SEPSECS: variants seen among roughly 807,000 people sequenced by gnomAD.
The protein encoded by SEPSECS is Sep (O-phosphoserine) tRNA:Sec (selenocysteine) tRNA synthase.
In SEPSECS, 42 loss-of-function variants were observed where a neutral mutation model predicts 52.1. The ratio of observed to expected loss-of-function variants is 0.81; its 90% confidence interval spans 0.63 to 1.04. The LOEUF is 1.04. Among genes scored for constraint, SEPSECS ranks in the 50% least tolerant of loss-of-function variants. The pLI, the probability that SEPSECS is intolerant of heterozygous loss-of-function variation, is 0.00. For missense variants in SEPSECS, 590 were observed against 610.6 expected, an observed-to-expected ratio of 0.97 and a Z score of 0.36; for synonymous variants, 216 against 211.4, an observed-to-expected ratio of 1.02 and a Z score of -0.19.
intron 8 of SEPSECS, among the ~76,000 whole-genome samples, chr4:25,139,850 G>C (rs1278429883): frequency 1.3e-5 from 2 of 152,108 alleles, no homozygotes; most frequent in Admixed American, 1.3e-4. Context: ...TGATATAAGG[G>C]CTTAAGGGTA....
chr4:25,130,545 G>A (rs973861419), intron 8 of SEPSECS, among the ~76,000 whole-genome samples: 4 of 152,148 alleles, frequency 2.6e-5, no homozygotes, highest in East Asian at 1.9e-4. Context: ...TCACTAGTAC[G>A]GGAGTAATTA....
At chr4:25,125,931 G>A (rs930042908) in intron 9 of SEPSECS, 147 bp from the exon 10 acceptor site, 2 of 667,628 alleles carry the variant, frequency 3.0e-6, no homozygotes, top group Non-Finnish European at 5.4e-6. Flanking sequence ...AAATCTTAGG[G>A]ATTTGTTTAT....
intron 8 of SEPSECS, among the ~76,000 whole-genome samples, chr4:25,138,506 A>T (rs1322514690): frequency 6.6e-6 from 1 of 151,606 alleles, no homozygotes; most frequent in Non-Finnish European, 1.5e-5. Flanking sequence ...GATTTTAGCC[A>T]AATCTGAGGA....
intron 8 of SEPSECS, among the ~76,000 whole-genome samples, chr4:25,129,241 G>A (rs555164072): frequency 9.9e-5 from 15 of 151,972 alleles, no homozygotes; most frequent in Admixed American, 4.6e-4. Context: ...TTTCTCTTTC[G>A]TTATTTAAAG....
intron 6 of SEPSECS, among the ~76,000 whole-genome samples, chr4:25,145,574 T>G (rs1194449788): frequency 6.6e-6 from 1 of 152,246 alleles, no homozygotes; most frequent in East Asian, 1.9e-4. Flanking sequence ...GGAACTTTAA[T>G]GAAACAAAGC....
Position 25,123,817 on chromosome 4 carries a change from G to T in SEPSECS, c.*114C>A. The T allele has an allele frequency of 1.1e-6, 1 of 947,974 alleles. No individual in the cohort carries two copies. The highest frequency in any genetic ancestry group is 1.7e-6 in the Non-Finnish European group (1 of 594,642). 58.7% of individuals were successfully genotyped at this position (947,974 alleles called of 1,614,324 possible). ...TCAGACCAAAGTCTGCTCCTTGACT[G>T]AATATTCCCATGAAATTCTCAATTC... On this transcript the variant is annotated 3_prime_UTR_variant, in exon 11 of 11. Coordinates refer to ENST00000382103, the MANE Select transcript of SEPSECS (RefSeq NM_016955.4).
intron 8 of SEPSECS, among the ~76,000 whole-genome samples, chr4:25,136,535 C>T (rs775790606): frequency 9.2e-5 from 14 of 152,034 alleles, no homozygotes; most frequent in Non-Finnish European, 2.1e-4. Flanking sequence ...TCAAGGGAAA[C>T]TACAAACCAC....
In SEPSECS at chr4:25,156,515, T is replaced by C. The variant is rs996541955; in HGVS notation, c.389-320A>G. On this transcript the variant is annotated intron_variant, in intron 3 of 10. Transcript: ENST00000382103. Reference sequence around the variant, plus strand: ...GTCAGGAGATCGAGACCATCCTGGCTAACACGGTGAGACCCCCGTCTCTAC... The same window carrying C: ...GTCAGGAGATCGAGACCATCCTGGCCAACACGGTGAGACCCCCGTCTCTAC... Among the ~76,000 whole-genome samples, 8 of 151,478 alleles carry C rather than the reference T, an allele frequency of 5.3e-5. No individual in the cohort carries two copies. The East Asian group carries it at 5.8e-4, about 11-fold the overall frequency.
chr4:25,154,337 A>T (rs942944256), intron 5 of SEPSECS, among the ~76,000 whole-genome samples: 1 of 152,180 alleles, frequency 6.6e-6, no homozygotes, highest in African/African-American at 2.4e-5. Flanking sequence ...ACAAATTATT[A>T]CCACTTCCAT....
chr4:25,157,323 T>C (rs1035872672), intron 2 of SEPSECS, among the ~76,000 whole-genome samples: 1 of 152,106 alleles, frequency 6.6e-6, no homozygotes, highest in African/African-American at 2.4e-5. Flanking sequence ...GAAGTAACTG[T>C]GTGAAATTTT....
intron 8 of SEPSECS, among the ~76,000 whole-genome samples, chr4:25,132,872 C>G (rs150611911): frequency 2.0e-5 from 3 of 152,198 alleles, no homozygotes; most frequent in Admixed American, 2.0e-4. Flanking sequence ...AGTGGTAAGA[C>G]GGAAAGCGCA....
intron 6 of SEPSECS, among the ~76,000 whole-genome samples, chr4:25,148,389 G>A (rs1712113519): frequency 6.8e-6 from 1 of 146,412 alleles, no homozygotes; most frequent in Non-Finnish European, 1.5e-5. Context: ...CTAGTAGGAT[G>A]CCTGACACAT....
rs573776639 is a variant in SEPSECS at position 25,158,659 on chromosome 4, C to A, written c.269+294G>T. On this transcript the variant is annotated intron_variant, in intron 2 of 10. Transcript: ENST00000382103. The stretch of plus-strand genomic sequence containing the variant: ...TTAATGGATTTTGAACTCTTACAAC[C>A]AGATATGTTTATTAGGGTAACCGTT... Among the ~76,000 whole-genome samples the A allele has an allele frequency of 2.0e-5, 3 of 151,908 alleles. No homozygotes were observed. In the South Asian group the frequency reaches 6.2e-4, roughly 32 times the overall value.
intron 2 of SEPSECS, 113 bp from the exon 3 acceptor site, chr4:25,157,087 G>C: frequency 1.3e-6 from 1 of 742,266 alleles, no homozygotes; most frequent in East Asian, 2.6e-5. Flanking sequence ...ATATTTGGCT[G>C]TTACAGATAT....
chr4:25,124,117 G>A lies in SEPSECS; in HGVS notation c.1320C>T (p.Ile440=), dbSNP rs375534729. Residue 440 remains isoleucine, a synonymous_variant, in exon 11 of 11, where the codon ATC becomes ATT. Coordinates refer to ENST00000382103, the MANE Select transcript of SEPSECS (RefSeq NM_016955.4). ...PCAYLNAASA[I]GMKMQDVDLF... is the part of the protein sequence containing the mutation. ...GGTCCACATCCTGCATCTTCATTCC[G>A]ATGGCTGATGCAGCATTGAGGTAAG... is the stretch of plus-strand genomic sequence containing the variant. 88 of 1,613,574 alleles carry A rather than the reference G, an allele frequency of 5.5e-5. No individual in the cohort carries two copies. Among genetic ancestry groups the A allele is most frequent in the Middle Eastern group, 1.6e-4 (1 of 6,062 alleles).
rs1258932510 is a variant in SEPSECS, at chr4:25,123,683, A to C, written c.*248T>G. ...ATCTGAGTCATGATGCTTAATTGAC[A>C]GATATTCTAACAATTAGAAAAATGC... On this transcript the variant is annotated 3_prime_UTR_variant, in exon 11 of 11. Transcript: ENST00000382103. 5 of 500,458 alleles carry C rather than the reference A, an allele frequency of 1.0e-5. No individual in the cohort carries two copies. Among genetic ancestry groups the C allele is most frequent in the Non-Finnish European group, 1.8e-5 (5 of 277,548 alleles). The allele number at this position is 500,458 out of a possible 1,614,324, so 31.0% of individuals were successfully genotyped here. A position where few individuals can be genotyped will look rare whatever the true frequency, so the allele number is the denominator to read the frequency against.
Position 25,123,698 on chromosome 4 carries a change from T to A in SEPSECS, c.*233A>T. 1 of 523,462 alleles carries A rather than the reference T, an allele frequency of 1.9e-6. No individual in the cohort carries two copies. Among genetic ancestry groups the A allele is most frequent in the Non-Finnish European group, 3.4e-6 (1 of 291,754 alleles). 32.4% of individuals were successfully genotyped at this position (523,462 alleles called of 1,614,324 possible). On this transcript the variant is annotated 3_prime_UTR_variant, in exon 11 of 11. Coordinates refer to ENST00000382103, the MANE Select transcript of SEPSECS (RefSeq NM_016955.4). The stretch of plus-strand genomic sequence containing the variant: ...CTTAATTGACAGATATTCTAACAAT[T>A]AGAAAAATGCTAATTGTATATTATA...
chr4:25,154,897 C>T (rs1712525250), intron 5 of SEPSECS, 101 bp downstream of exon 5: 1 of 1,214,564 alleles, frequency 8.2e-7, no homozygotes, highest in South Asian at 1.3e-5. Context: ...AGACCATTCA[C>T]CTATTTATTG....
rs774625665 is a variant in SEPSECS at position 25,155,193 on chromosome 4, A to C, written c.548-42T>G. ...GAAAACAAAATGTTAGTGTGAACTA[A>C]AATAAGGGAAGATCCTGAAACTCTA... On this transcript the variant is annotated intron_variant, in intron 4 of 10. Coordinates refer to ENST00000382103, the MANE Select transcript of SEPSECS (RefSeq NM_016955.4). 6.2e-6 allele frequency: 10 copies of C among 1,603,260 alleles called. No individual in the cohort carries two copies. In the South Asian group the frequency reaches 1.1e-4, roughly 18 times the overall value.
Sources: gnomAD v4.1 joint callset for allele counts (sites outside exome capture counted in the v4.1 genomes callset) on GRCh38, gnomAD v4.1.1 for gene constraint, MANE v1.5 for transcripts, NCBI Gene and HGNC (gene_info 2026-07-23, HGNC 2026-07-21) for gene names.